Variants in ST3GAL3 observed in about 807,000 individuals in gnomAD.
The protein encoded by ST3GAL3 is ST3 beta-galactoside alpha-2,3-sialyltransferase 3.
ST3GAL3 carries 21 observed loss-of-function variants against 50.1 expected under a neutral mutation model. The observed-to-expected ratio is 0.42, with a 90% CI of 0.30 to 0.60. The LOEUF is 0.60. ST3GAL3 is among the 20% of genes least tolerant of loss of function. The pLI is 0.19. For synonymous variants in ST3GAL3, 183 were observed against 190.0 expected, an observed-to-expected ratio of 0.96 and a Z score of 0.30; for missense variants, 353 against 489.4, an observed-to-expected ratio of 0.72 and a Z score of 2.63.
intron 5 of ST3GAL3, among the ~76,000 whole-genome samples, chr1:43,873,314 G>T (rs565285133): frequency 2.0e-5 from 3 of 152,166 alleles, no homozygotes; most frequent in African/African-American, 7.2e-5. Flanking sequence ...ATGAGAGAAA[G>T]AGAGTAATTT....
intron 4 of ST3GAL3, among the ~76,000 whole-genome samples, chr1:43,818,041 A>T (rs2061635665): frequency 2.6e-5 from 4 of 151,882 alleles, no homozygotes; most frequent in Admixed American, 2.6e-4. Flanking sequence ...GGCCTCATTT[A>T]GATTCTTGGG....
chr1:43,794,415 G>C (rs1239192506), intron 3 of ST3GAL3, among the ~76,000 whole-genome samples: 1 of 149,756 alleles, frequency 6.7e-6, no homozygotes, highest in African/African-American at 2.4e-5. Context: ...CAATTCCAAT[G>C]TTGATAAGGA....
At chr1:43,816,478 T>C (rs1558429493) in intron 4 of ST3GAL3, among the ~76,000 whole-genome samples, 1 of 152,190 alleles carries the variant, frequency 6.6e-6, no homozygotes, top group Non-Finnish European at 1.5e-5. Context: ...TAGGCTTCAC[T>C]CTTAGAAAAT....
chr1:43,871,040 G>T (rs2072585064), intron 5 of ST3GAL3, among the ~76,000 whole-genome samples: 1 of 152,196 alleles, frequency 6.6e-6, no homozygotes, highest in South Asian at 2.1e-4. Flanking sequence ...GGATTCATGT[G>T]TAGGAAACAC....
At chr1:43,925,719 A>G (rs533650044) in intron 11 of ST3GAL3, among the ~76,000 whole-genome samples, 2 of 152,350 alleles carry the variant, frequency 1.3e-5, no homozygotes, top group African/African-American at 4.8e-5. Context: ...AGACACATGG[A>G]CCAAGGATTG....
At chr1:43,861,664 TC>T (rs1377495067) in intron 5 of ST3GAL3, among the ~76,000 whole-genome samples, 1 of 152,188 alleles carries the variant, frequency 6.6e-6, no homozygotes, top group African/African-American at 2.4e-5. Context: ...TAACCCATAG[TC>T]TTTTATGCCT....
At chr1:43,832,494 A>G (rs1425708582) in intron 4 of ST3GAL3, among the ~76,000 whole-genome samples, 3 of 152,206 alleles carry the variant, frequency 2.0e-5, no homozygotes, top group Non-Finnish European at 2.9e-5. Context: ...TGGAAGCCAC[A>G]AAGAGCAAAG....
chr1:43,770,876 G>A (rs1694890797), intron 2 of ST3GAL3, among the ~76,000 whole-genome samples: 1 of 152,242 alleles, frequency 6.6e-6, no homozygotes, highest in South Asian at 2.1e-4. Context: ...CTCTGAGCCA[G>A]AAGAAAGTTC....
At chr1:43,825,988 G>A (rs923589689) in intron 4 of ST3GAL3, among the ~76,000 whole-genome samples, 4 of 152,180 alleles carry the variant, frequency 2.6e-5, no homozygotes, top group African/African-American at 7.2e-5. Context: ...ATAATGGGCC[G>A]GGTGAGGTAG....
At chr1:43,922,822 C>T (rs1037336865) in intron 11 of ST3GAL3, among the ~76,000 whole-genome samples, 1 of 117,026 alleles carries the variant, frequency 8.5e-6, no homozygotes, top group Admixed American at 9.0e-5. Context: ...AAAAAAAAGG[C>T]CAGGCATGGT....
intron 3 of ST3GAL3, among the ~76,000 whole-genome samples, chr1:43,797,313 C>A (rs2058790959): frequency 6.6e-6 from 1 of 152,022 alleles, no homozygotes; most frequent in African/African-American, 2.4e-5. Flanking sequence ...CCAATTGGAA[C>A]AACAGAGAAA....
chr1:43,827,790 G>T (rs1023969961), intron 4 of ST3GAL3, among the ~76,000 whole-genome samples: 2 of 152,174 alleles, frequency 1.3e-5, no homozygotes, highest in Non-Finnish European at 2.9e-5. Context: ...AGGATTACAG[G>T]TGTGAGCCAC....
chr1:43,802,612 C>T (rs1160872157), intron 3 of ST3GAL3, among the ~76,000 whole-genome samples: 2 of 152,246 alleles, frequency 1.3e-5, no homozygotes, highest in African/African-American at 4.8e-5. Flanking sequence ...TGGGAGTCCC[C>T]ACCTGGCTGG....
At chr1:43,894,316 C>T (rs965027419) in intron 5 of ST3GAL3, 67 bp from the exon 6 acceptor site, 41 of 1,505,502 alleles carry the variant, frequency 2.7e-5, no homozygotes, top group Middle Eastern at 1.7e-4. Context: ...GACCGACGTA[C>T]GGAAGTGCCA....
chr1:43,917,749 A>T (rs1195276081), intron 9 of ST3GAL3, among the ~76,000 whole-genome samples: 1 of 139,470 alleles, frequency 7.2e-6, no homozygotes, highest in Non-Finnish European at 1.5e-5. Context: ...GCCCACTGCG[A>T]CCTCTGTCCC....
At chr1:43,892,437 A>G (rs546002358) in intron 5 of ST3GAL3, among the ~76,000 whole-genome samples, 2 of 152,326 alleles carry the variant, frequency 1.3e-5, no homozygotes, top group East Asian at 1.9e-4. Flanking sequence ...CTACAAAGCA[A>G]TCTACAAAAT....
intron 5 of ST3GAL3, chr1:43,879,095 A>G: frequency 2.2e-6 from 1 of 455,646 alleles, no homozygotes; most frequent in Non-Finnish European, 4.4e-6. Flanking sequence ...CAGAAGAGTC[A>G]GAGAAGACGT....
At chr1:43,877,302 G>T (rs2074296207) in intron 5 of ST3GAL3, among the ~76,000 whole-genome samples, 1 of 152,152 alleles carries the variant, frequency 6.6e-6, no homozygotes, top group South Asian at 2.1e-4. Flanking sequence ...CCAGTCTGGG[G>T]CGATGATGAT....
chr1:43,721,492 C>T (rs1052572633), intron 1 of ST3GAL3, among the ~76,000 whole-genome samples: 11 of 151,576 alleles, frequency 7.3e-5, no homozygotes, highest in East Asian at 5.9e-4. Flanking sequence ...TTAGTAGAGA[C>T]GGGGTTTCTC....
Sources: gnomAD v4.1 joint callset for allele counts (sites outside exome capture counted in the v4.1 genomes callset) on GRCh38, gnomAD v4.1.1 for gene constraint, MANE v1.5 for transcripts, NCBI Gene and HGNC (gene_info 2026-07-23, HGNC 2026-07-21) for gene names.